Variants in DPY19L1 observed in about 807,000 individuals in gnomAD.
The protein encoded by DPY19L1 is protein C-mannosyl-transferase DPY19L1.
Under a neutral mutation model 96.9 loss-of-function variants are expected in DPY19L1, and 35 were observed. The ratio of observed to expected loss-of-function variants is 0.36; its 90% CI spans 0.28 to 0.48. DPY19L1 has a LOEUF of 0.48. Among genes scored for constraint, DPY19L1 ranks in the 20% least tolerant of loss-of-function variants. The pLI, the probability that DPY19L1 is intolerant of heterozygous loss-of-function variation, is 0.99. For missense variants in DPY19L1, 521 were observed against 777.9 expected, an observed-to-expected ratio of 0.67 and a Z score of 3.93; for synonymous variants, 205 against 252.6, an observed-to-expected ratio of 0.81 and a Z score of 1.79.
At chr7:34,945,406 A>G (rs886973149) in intron 16 of DPY19L1, among the ~76,000 whole-genome samples, 1 of 152,226 alleles carries the variant, frequency 6.6e-6, no homozygotes, top group African/African-American at 2.4e-5. Context: ...ATGAAGTACA[A>G]AACTGTGTCC....
At chr7:34,984,341 C>CAT (rs1785002608) in intron 7 of DPY19L1, among the ~76,000 whole-genome samples, 1 of 152,006 alleles carries the variant, frequency 6.6e-6, no homozygotes, top group Non-Finnish European at 1.5e-5. Flanking sequence ...GGCGCAGAGG[C>CAT]ATATACAAAG....
intron 6 of DPY19L1, among the ~76,000 whole-genome samples, chr7:34,996,345 C>T (rs1186409894): frequency 6.6e-6 from 1 of 152,176 alleles, no homozygotes; most frequent in East Asian, 1.9e-4. Flanking sequence ...AAACACCACA[C>T]TCCTCAACTC....
intron 1 of DPY19L1, among the ~76,000 whole-genome samples, chr7:35,019,265 T>C (rs975309841): frequency 2.8e-4 from 43 of 152,188 alleles, no homozygotes; most frequent in African/African-American, 9.4e-4. Flanking sequence ...GGAATCAACC[T>C]ATGAAAATAC....
At chr7:34,973,405 A>T in intron 8 of DPY19L1, 109 bp downstream of exon 8, 1 of 555,062 alleles carries the variant, frequency 1.8e-6, no homozygotes, top group Non-Finnish European at 2.8e-6. Flanking sequence ...TACTAATAAC[A>T]GCATCATATT....
chr7:35,030,444 C>T (rs1052211914), intron 1 of DPY19L1, among the ~76,000 whole-genome samples: 8 of 152,134 alleles, frequency 5.3e-5, no homozygotes, highest in African/African-American at 1.4e-4. Context: ...TAAAATCACA[C>T]GTTTTCATGA....
intron 9 of DPY19L1, among the ~76,000 whole-genome samples, chr7:34,968,236 A>G (rs1371458959): frequency 6.6e-6 from 1 of 152,032 alleles, no homozygotes; most frequent in Non-Finnish European, 1.5e-5. Context: ...ATAATGATAA[A>G]ACCAACTAAC....
chr7:34,954,189 T>G (rs1158962285), intron 13 of DPY19L1, among the ~76,000 whole-genome samples: 6 of 152,124 alleles, frequency 3.9e-5, no homozygotes, highest in Non-Finnish European at 8.8e-5. Context: ...TAAGACAGAC[T>G]TCTCCATTTT....
intron 6 of DPY19L1, among the ~76,000 whole-genome samples, chr7:34,992,772 T>C (rs1353380807): frequency 1.3e-5 from 2 of 151,874 alleles, no homozygotes; most frequent in Admixed American, 6.6e-5. Flanking sequence ...GATCAGACTA[T>C]AGAAAACCCA....
intron 7 of DPY19L1, among the ~76,000 whole-genome samples, chr7:34,980,141 A>G (rs965159673): frequency 2.0e-5 from 3 of 152,126 alleles, no homozygotes; most frequent in Non-Finnish European, 2.9e-5. Flanking sequence ...GCCCACTACA[A>G]TTCAGCGGGG....
rs188177931 is a variant in DPY19L1, at chr7:34,954,527, A to G, written c.1320+171T>C. 5 of 398,244 alleles carry G rather than the reference A, an allele frequency of 1.3e-5. No individual in the cohort carries two copies. The Admixed American group carries it at 1.8e-4, about 14-fold the overall frequency. The allele number at this position is 398,244 out of a possible 1,614,324, so 24.7% of individuals were successfully genotyped here. On this transcript the variant is annotated intron_variant, in intron 13 of 21. Coordinates refer to ENST00000638088, the MANE Select transcript of DPY19L1 (RefSeq NM_001366673.1). The stretch of plus-strand genomic sequence containing the variant: ...GAGATTAAGAAACTAATTTTGGAGA[A>G]CGAAAATCTATATACAATTACATTT...
intron 10 of DPY19L1, among the ~76,000 whole-genome samples, chr7:34,966,040 T>C (rs564560714): frequency 4.6e-5 from 7 of 150,994 alleles, no homozygotes; most frequent in African/African-American, 1.5e-4. Flanking sequence ...TTTTTTTGTA[T>C]TTTTTTTTAA....
rs549443486 is a variant in DPY19L1 at position 34,980,136 on chromosome 7, C to T, written c.823-6531G>A. ...CACTTTATTTATGATACAAGGCCCA[C>T]TACAATTCAGCGGGGAAAAATCTTC... On this transcript the variant is annotated intron_variant, in intron 7 of 21. Coordinates refer to ENST00000638088, the MANE Select transcript of DPY19L1 (RefSeq NM_001366673.1). Among the ~76,000 whole-genome samples, 9 of 152,168 alleles carry T rather than the reference C, an allele frequency of 5.9e-5. No homozygotes were observed. In the South Asian group the frequency reaches 1.0e-3, roughly 18 times the overall value.
chr7:35,024,286 A>T (rs1786070840), intron 1 of DPY19L1, among the ~76,000 whole-genome samples: 1 of 152,220 alleles, frequency 6.6e-6, no homozygotes, highest in Admixed American at 6.5e-5. Flanking sequence ...TGACAAAATG[A>T]CATAAAAAGA....
chr7:34,981,013 G>A (rs1465333773), intron 7 of DPY19L1, among the ~76,000 whole-genome samples: 3 of 152,160 alleles, frequency 2.0e-5, no homozygotes. Flanking sequence ...TGAAGGATGG[G>A]GAGGGATACA....
intron 6 of DPY19L1, among the ~76,000 whole-genome samples, chr7:35,001,367 T>C (rs12533624): frequency 0.2 from 30,548 of 152,116 alleles, 3,400 homozygotes; most frequent in Admixed American, 0.35. Context: ...AATATTTTAT[T>C]ATTAATTAAT....
intron 7 of DPY19L1, among the ~76,000 whole-genome samples, chr7:34,978,007 TTAA>T (rs1403841460): frequency 2.0e-5 from 3 of 151,834 alleles, no homozygotes; most frequent in Non-Finnish European, 4.4e-5. Context: ...TATTTTCTGC[TTAA>T]TAATTTTTAA....
chr7:34,982,877 G>C (rs553238692), intron 7 of DPY19L1, among the ~76,000 whole-genome samples: 8 of 152,244 alleles, frequency 5.3e-5, no homozygotes, highest in South Asian at 2.1e-4. Flanking sequence ...ATTTGGTTTC[G>C]GGGCCTTGGC....
chr7:35,037,834 C>A, upstream of DPY19L1: 3 of 1,231,042 alleles, frequency 2.4e-6, no homozygotes, highest in Non-Finnish European at 2.0e-6. Context: ...GGCGCCCGCG[C>A]GGGGCTCGGC....
chr7:35,029,504 C>A (rs748371963), intron 1 of DPY19L1, among the ~76,000 whole-genome samples: 10 of 152,136 alleles, frequency 6.6e-5, no homozygotes, highest in Non-Finnish European at 1.5e-5. Flanking sequence ...ATAACCCATT[C>A]CAATGGTAAG....
Sources: allele counts gnomAD v4.1 joint callset (sites outside exome capture counted in the v4.1 genomes callset), GRCh38; gene constraint gnomAD v4.1.1; transcripts MANE v1.5; gene names NCBI Gene and HGNC (gene_info 2026-07-23, HGNC 2026-07-21).